Variants in TBL1XR1 observed in about 807,000 individuals in gnomAD.
The protein encoded by TBL1XR1 is F-box-like/WD repeat-containing protein TBL1XR1.
A neutral mutation model predicts 66.9 loss-of-function variants in TBL1XR1; 5 were observed. The observed-to-expected ratio is 0.07, with a 90% CI of 0.04 to 0.16. The LOEUF (loss-of-function observed/expected upper bound fraction) is 0.16, where lower values mean the gene tolerates loss of function less well. TBL1XR1 is among the 10% of genes least tolerant of loss of function. TBL1XR1 has a pLI of 1.00. For synonymous variants in TBL1XR1, 210 were observed against 206.0 expected, an observed-to-expected ratio of 1.02 and a Z score of -0.17; for missense variants, 238 against 623.2, an observed-to-expected ratio of 0.38 and a Z score of 6.58.
At chr3:177,030,233 A>C (rs993131946) in intron 14 of TBL1XR1, among the ~76,000 whole-genome samples, 2 of 152,024 alleles carry the variant, frequency 1.3e-5, no homozygotes, top group African/African-American at 4.8e-5. Flanking sequence ...AATGTTGTAC[A>C]TTTTTAAATC....
chr3:177,030,507 A>G (rs1210181733), intron 14 of TBL1XR1, among the ~76,000 whole-genome samples: 1 of 152,086 alleles, frequency 6.6e-6, no homozygotes, highest in Non-Finnish European at 1.5e-5. Context: ...TGGGAATGAC[A>G]GGCACTCTCT....
chr3:177,093,653 C>T (rs1723105177), intron 2 of TBL1XR1, among the ~76,000 whole-genome samples: 1 of 152,078 alleles, frequency 6.6e-6, no homozygotes, highest in Admixed American at 6.6e-5. Context: ...GAACAGAGAA[C>T]CCAGAAATAA....
At chr3:177,070,530 CAAAG>C (rs1231648261) in intron 2 of TBL1XR1, among the ~76,000 whole-genome samples, 1 of 152,072 alleles carries the variant, frequency 6.6e-6, no homozygotes, top group African/African-American at 2.4e-5. Flanking sequence ...GTCAGTCTGG[CAAAG>C]AATTAGAAAG....
At chr3:177,186,504 G>C (rs1230421332) in intron 1 of TBL1XR1, among the ~76,000 whole-genome samples, 1 of 152,110 alleles carries the variant, frequency 6.6e-6, no homozygotes, top group Admixed American at 6.5e-5. Flanking sequence ...AATGACATAT[G>C]ATAGCCACTA....
chr3:177,178,713 A>G (rs1479539036), intron 1 of TBL1XR1, among the ~76,000 whole-genome samples: 2 of 152,160 alleles, frequency 1.3e-5, no homozygotes, highest in Admixed American at 1.3e-4. Flanking sequence ...GGAAAAATAA[A>G]GGAGATGGGA....
chr3:177,154,792 A>G (rs1029012390), intron 1 of TBL1XR1, among the ~76,000 whole-genome samples: 8 of 152,238 alleles, frequency 5.3e-5, no homozygotes, highest in Non-Finnish European at 8.8e-5. Context: ...CAGAAGATCT[A>G]AACACTTGAC....
chr3:177,134,267 C>CA (rs1305066882), intron 1 of TBL1XR1, among the ~76,000 whole-genome samples: 2 of 152,054 alleles, frequency 1.3e-5, no homozygotes, highest in East Asian at 3.9e-4. Flanking sequence ...TGCTTGCAAA[C>CA]AAAAAACCTG....
chr3:177,190,978 G>C (rs1313334575), intron 1 of TBL1XR1, among the ~76,000 whole-genome samples: 1 of 152,188 alleles, frequency 6.6e-6, no homozygotes, highest in Non-Finnish European at 1.5e-5. Context: ...AATATCCTGA[G>C]TCAGGATGGC....
intron 1 of TBL1XR1, among the ~76,000 whole-genome samples, chr3:177,180,338 G>A (rs1734666014): frequency 1.3e-5 from 2 of 149,262 alleles, no homozygotes; most frequent in Non-Finnish European, 3.0e-5. Flanking sequence ...GTAAACAAAG[G>A]GTAAAAAAGG....
At chr3:177,062,225 A>G (rs1159783288) in intron 3 of TBL1XR1, among the ~76,000 whole-genome samples, 1 of 152,204 alleles carries the variant, frequency 6.6e-6, no homozygotes, top group Non-Finnish European at 1.5e-5. Context: ...GCAGATGTAC[A>G]TGTATTCCAT....
chr3:177,138,550 C>A (rs1359935519), intron 1 of TBL1XR1, among the ~76,000 whole-genome samples: 1 of 151,852 alleles, frequency 6.6e-6, no homozygotes, highest in Non-Finnish European at 1.5e-5. Context: ...ATGATCACAT[C>A]ACTGTACTCC....
rs1438920310 is a variant in TBL1XR1 at position 177,197,148 on chromosome 3, C to A, written c.-149G>T. On this transcript the variant is annotated 5_prime_UTR_variant, in exon 1 of 16. Coordinates refer to ENST00000457928, the MANE Select transcript of TBL1XR1 (RefSeq NM_024665.7). ...GGAAACGGTGGCCTCCAACGCCGCT[C>A]CCCCCTCCCGGGAATGGAGGCACAA... 1 of 153,256 alleles carries A rather than the reference C, an allele frequency of 6.5e-6. No homozygotes were observed. The highest frequency in any genetic ancestry group is 1.8e-4 in the South Asian group (1 of 5,412). The allele number at this position is 153,256 out of a possible 1,614,324, so 9.5% of individuals were successfully genotyped here. A position where few individuals can be genotyped will look rare whatever the true frequency, so the allele number is the denominator to read the frequency against.
chr3:177,196,652 C>T (rs1472073178), intron 1 of TBL1XR1, among the ~76,000 whole-genome samples: 1 of 151,748 alleles, frequency 6.6e-6, no homozygotes, highest in African/African-American at 2.4e-5. Context: ...AGCTCCTTCT[C>T]CTCTGCTAAA....
Position 177,020,046 on chromosome 3 carries a change from G to A in TBL1XR1, c.*5452C>T, listed in dbSNP as rs982968205. 1 of 150,152 alleles carries A rather than the reference G, an allele frequency of 6.7e-6. No homozygotes were observed. Among genetic ancestry groups the A allele is most frequent in the Non-Finnish European group, 1.5e-5 (1 of 67,670 alleles). The allele number at this position is 150,152 out of a possible 1,614,324, so 9.3% of individuals were successfully genotyped here. On this transcript the variant is annotated 3_prime_UTR_variant, in exon 16 of 16. Coordinates refer to ENST00000457928, the MANE Select transcript of TBL1XR1 (RefSeq NM_024665.7). ...TTTTAAAAAGTCTCTAACTCTAAAG[G>A]AGTTGGTATTAATTAAAACTAGAAG...
At chr3:177,177,489 T>G (rs1734300002) in intron 1 of TBL1XR1, among the ~76,000 whole-genome samples, 1 of 152,104 alleles carries the variant, frequency 6.6e-6, no homozygotes, top group African/African-American at 2.4e-5. Context: ...AACTTCTCAT[T>G]TATGATTATC....
intron 6 of TBL1XR1, 111 bp downstream of exon 6, chr3:177,050,367 G>A (rs1445415740): frequency 7.2e-7 from 1 of 1,382,236 alleles, no homozygotes; most frequent in Non-Finnish European, 9.7e-7. Context: ...AATTTACAGA[G>A]ACAAAATGGC....
intron 4 of TBL1XR1, among the ~76,000 whole-genome samples, chr3:177,052,946 T>C (rs934968444): frequency 1.3e-5 from 2 of 151,666 alleles, no homozygotes; most frequent in Non-Finnish European, 2.9e-5. Flanking sequence ...CTACAAAAAT[T>C]CAAAAATTAG....
In TBL1XR1 at chr3:177,197,288, GC is replaced by G; in HGVS notation, c.-290del. ...CGAGCGGAGGGCGCGGGGGATGGGCGCCGGGCGGGCGGGGGCGGGGAGCGCG... is the reference window on the plus strand; with the variant it reads ...CGAGCGGAGGGCGCGGGGGATGGGCGCGGGCGGGCGGGGGCGGGGAGCGCG... On this transcript the variant is annotated 5_prime_UTR_variant, in exon 1 of 16. Transcript: ENST00000457928. 1 of 149,872 alleles carries G rather than the reference GC, an allele frequency of 6.7e-6. No individual in the cohort carries two copies. The highest frequency in any genetic ancestry group is 1.8e-4 in the South Asian group (1 of 5,506). The allele number at this position is 149,872 out of a possible 1,614,324, so 9.3% of individuals were successfully genotyped here.
At chr3:177,084,601 A>G (rs1030014994) in intron 2 of TBL1XR1, among the ~76,000 whole-genome samples, 13 of 152,358 alleles carry the variant, frequency 8.5e-5, no homozygotes, top group African/African-American at 2.2e-4. Flanking sequence ...GGTCAACCCC[A>G]TATTTTAGGA....
Sources: allele counts gnomAD v4.1 joint callset (sites outside exome capture counted in the v4.1 genomes callset), GRCh38; gene constraint gnomAD v4.1.1; transcripts MANE v1.5; gene names NCBI Gene and HGNC (gene_info 2026-07-23, HGNC 2026-07-21).